Variants in ADAM29 observed in about 807,000 individuals in gnomAD.
ADAM29 encodes the protein ADAM metallopeptidase domain 29.
For missense variants in ADAM29, 969 were observed against 1,001.8 expected (o/e 0.97, Z 0.44); for synonymous variants, 367 against 342.3 (o/e 1.07, Z -0.80).
At chr4:174,968,094 G>GGT (rs1746254972) in intron 4 of ADAM29, among the ~76,000 whole-genome samples, 1 of 151,982 alleles carries the variant, frequency 6.6e-6, no homozygotes, top group Non-Finnish European at 1.5e-5. Flanking sequence ...GTACATTGCA[G>GGT]GTGTCAGTAC....
At chr4:174,937,278 C>G (rs1016777599) in intron 4 of ADAM29, among the ~76,000 whole-genome samples, 2 of 151,886 alleles carry the variant, frequency 1.3e-5, no homozygotes, top group African/African-American at 4.8e-5. Context: ...TCTAGGCCAC[C>G]AAAAAGAGTT....
At chr4:174,951,953 C>A (rs370323825) in intron 4 of ADAM29, among the ~76,000 whole-genome samples, 136 of 152,116 alleles carry the variant, frequency 8.9e-4, no homozygotes, top group African/African-American at 3.2e-3. Context: ...TTGTGCATCA[C>A]GGTGACTATA....
At chr4:174,942,008 C>T (rs557189498) in intron 4 of ADAM29, among the ~76,000 whole-genome samples, 3 of 152,288 alleles carry the variant, frequency 2.0e-5, no homozygotes, top group African/African-American at 7.2e-5. Context: ...AATTCCAAAA[C>T]CCATAAGGGC....
intron 2 of ADAM29, among the ~76,000 whole-genome samples, chr4:174,929,580 C>G (rs1409304554): frequency 1.3e-5 from 2 of 152,122 alleles, no homozygotes; most frequent in African/African-American, 2.4e-5. Flanking sequence ...AGGGGCTAAG[C>G]TCCTCCCTGC....
At position 174,977,663 on chromosome 4, in the gene ADAM29, C is replaced by T. The variant is rs771733639; in HGVS notation, c.2138C>T (p.Pro713Leu). Residue 713 changes from proline to leucine, a missense_variant, in exon 5 of 5, where the codon CCA becomes CTA. Coordinates refer to ENST00000359240, the MANE Select transcript of ADAM29 (RefSeq NM_014269.4). ...AAAAAGCAGCAAGATGTTCAAACTCCATCTGCAAAAGAAGAGGAAAAAATT... is the reference window on the plus strand; with the variant it reads ...AAAAAGCAGCAAGATGTTCAAACTCTATCTGCAAAAGAAGAGGAAAAAATT... ...PIKKQQDVQT[P>L]SAKEEEKIQR... 3 of 1,614,244 alleles carry T rather than the reference C, an allele frequency of 1.9e-6. No individual in the cohort carries two copies. In the South Asian group the frequency reaches 3.3e-5, roughly 18 times the overall value.
intron 4 of ADAM29, among the ~76,000 whole-genome samples, chr4:174,951,859 C>T (rs1176938994): frequency 6.6e-6 from 1 of 152,052 alleles, no homozygotes; most frequent in Non-Finnish European, 1.5e-5. Context: ...ATATTTGCCC[C>T]CTTTATTTCA....
intron 2 of ADAM29, among the ~76,000 whole-genome samples, chr4:174,922,223 AT>A (rs201034543): frequency 0.012 from 1,790 of 152,322 alleles, 31 homozygotes; most frequent in African/African-American, 0.041. Context: ...TGTAAACAAA[AT>A]ACAATTTTTA....
chr4:174,974,536 A>G (rs541805134), intron 4 of ADAM29, among the ~76,000 whole-genome samples: 8 of 152,300 alleles, frequency 5.3e-5, no homozygotes, highest in African/African-American at 1.9e-4. Context: ...GATAAGGAAA[A>G]ACTGAAACTA....
rs1560899073 is a variant in ADAM29 at position 174,976,974 on chromosome 4, T to C, written c.1449T>C (p.Asp483=). ...HKCPDDFYVE[D]GIPCKERGYC... ...GCCCAGATGACTTTTATGTGGAAGA[T>C]GGAATTCCCTGTAAGGAGAGGGGCT... Residue 483 remains aspartate (D), a synonymous_variant, in exon 5 of 5, where the codon GAT becomes GAC. Transcript: ENST00000359240. 1.2e-6 allele frequency: 2 copies of C among 1,614,018 alleles called. No homozygotes were observed. The highest frequency in any genetic ancestry group is 1.3e-5 in the African/African-American group (1 of 74,918).
intron 4 of ADAM29, among the ~76,000 whole-genome samples, chr4:174,941,948 A>T (rs548484393): frequency 6.6e-6 from 1 of 152,312 alleles, no homozygotes; most frequent in South Asian, 2.1e-4. Context: ...ATATTTTTCC[A>T]TTCCAAAAGG....
chr4:174,964,518 C>T lies in ADAM29; in HGVS notation c.-180-10828C>T, dbSNP rs77194393. Among the ~76,000 whole-genome samples the T allele has an allele frequency of 4.1e-3, 618 of 151,938 alleles. 3 individuals carry two copies. Among genetic ancestry groups the T allele is most frequent in the Non-Finnish European group, 7.8e-3 (531 of 67,944 alleles). The stretch of plus-strand genomic sequence containing the variant: ...TGCAGAAGTGTAAAGATAAGAAACC[C>T]CAAAATAATTAAGAAAATATGAAAC... On this transcript the variant is annotated intron_variant, in intron 4 of 4. Transcript: ENST00000359240.
Position 174,976,959 on chromosome 4 carries a change from CTT to C in ADAM29, c.1437_1438del (p.Phe479LeufsTer9). ...NGTSHKCPDDFYVEDGIPCKE... is the reference protein window; with the variant it reads ...NGTSHKCPDDXYVEDGIPCKE... ...GTACTTCCCATAAGTGCCCAGATGA[CTT>C]TTATGTGGAAGATGGAATTCCCTGT... On this transcript the variant is annotated frameshift_variant, in exon 5 of 5. Coordinates refer to ENST00000359240, the MANE Select transcript of ADAM29 (RefSeq NM_014269.4). LOFTEE classifies it low-confidence loss of function (END_TRUNC). The C allele has an allele frequency of 6.2e-7, 1 of 1,614,032 alleles. No individual in the cohort carries two copies. Among genetic ancestry groups the C allele is most frequent in the Non-Finnish European group, 8.5e-7 (1 of 1,179,996 alleles).
At chr4:174,919,793 C>A (rs1468101669) in intron 1 of ADAM29, among the ~76,000 whole-genome samples, 1 of 152,168 alleles carries the variant, frequency 6.6e-6, no homozygotes, top group Non-Finnish European at 1.5e-5. Flanking sequence ...AGCGGCAAAA[C>A]CCTTTCACCT....
chr4:174,923,206 G>C (rs949578622), intron 2 of ADAM29, among the ~76,000 whole-genome samples: 11 of 151,680 alleles, frequency 7.3e-5, no homozygotes, highest in South Asian at 2.1e-4. Flanking sequence ...ACAGGTCTGC[G>C]CCACCACACC....
intron 4 of ADAM29, among the ~76,000 whole-genome samples, chr4:174,940,566 A>G (rs915761344): frequency 4.6e-5 from 7 of 151,390 alleles, no homozygotes; most frequent in African/African-American, 1.7e-4. Context: ...AGCCTCTCTG[A>G]CTTTTTTTCA....
In ADAM29 at chr4:174,976,788, A is replaced by C. The variant is rs145081639; in HGVS notation, c.1263A>C (p.Lys421Asn). 76 of 1,614,154 alleles carry C rather than the reference A, an allele frequency of 4.7e-5. 1 individual carries two copies. In the African/African-American group the frequency reaches 8.7e-4, roughly 18 times the overall value. Residue 421 changes from lysine to asparagine, a missense_variant, in exon 5 of 5, where the codon AAA (lysine) becomes AAC (asparagine). Transcript: ENST00000359240. ...GTGGACCTTTAAAGCATTGTGCAAAAGATCCCTGCTGTCTGTCAAATTGCA... is the reference window on the plus strand; with the variant it reads ...GTGGACCTTTAAAGCATTGTGCAAACGATCCCTGCTGTCTGTCAAATTGCA... ...CDCGPLKHCA[K>N]DPCCLSNCTL...
Position 174,975,333 on chromosome 4 carries a change from G to A in ADAM29, c.-180-13G>A. 2.4e-6 allele frequency: 1 copy of A among 424,262 alleles called. No individual in the cohort carries two copies. The highest frequency in any genetic ancestry group is 4.1e-6 in the Non-Finnish European group (1 of 246,412). The allele number at this position is 424,262 out of a possible 1,614,324, so 26.3% of individuals were successfully genotyped here. On this transcript the variant is annotated splice_polypyrimidine_tract_variant and intron_variant, in intron 4 of 4. Coordinates refer to ENST00000359240, the MANE Select transcript of ADAM29 (RefSeq NM_014269.4). The stretch of plus-strand genomic sequence containing the variant: ...TACACTCATCCACATGCTGCTTTTT[G>A]TTTTACTTATAGTGCTGCAGCTCTG...
rs148370237 is a variant in ADAM29, at chr4:174,969,367, T to C, written c.-180-5979T>C. The stretch of plus-strand genomic sequence containing the variant: ...ACTTCTACATAGGATGTCAGAATCC[T>C]AACTACTAAAATGAATTAAAATTGA... On this transcript the variant is annotated intron_variant, in intron 4 of 4. Transcript: ENST00000359240. Among the ~76,000 whole-genome samples the C allele has an allele frequency of 8.0e-3, 1,210 of 151,886 alleles. 20 individuals are homozygous for C. The highest frequency in any genetic ancestry group is 0.026 in the African/African-American group (1,082 of 41,512).
chr4:174,922,965 G>A lies in ADAM29; in HGVS notation c.-451+2173G>A, dbSNP rs566725348. 5.9e-5 allele frequency among the ~76,000 whole-genome samples: 9 copies of A among 151,948 alleles called. No individual in the cohort carries two copies. In the South Asian group the frequency reaches 1.5e-3, roughly 25 times the overall value. Reference sequence around the variant, plus strand: ...CATCAACCCAAAAGAAAAAAGACACGAAACCAAAACCAAGGAAACACATAT... The same window carrying A: ...CATCAACCCAAAAGAAAAAAGACACAAAACCAAAACCAAGGAAACACATAT... On this transcript the variant is annotated intron_variant, in intron 2 of 4. Transcript: ENST00000359240.
Sources: allele counts gnomAD v4.1 joint callset (sites outside exome capture counted in the v4.1 genomes callset), GRCh38; gene constraint gnomAD v4.1.1; transcripts MANE v1.5; gene names NCBI Gene and HGNC (gene_info 2026-07-23, HGNC 2026-07-21).